THOC7: variants seen among roughly 807,000 people sequenced by gnomAD.
The protein encoded by THOC7 is THO complex subunit 7, also known as NIF3L1-binding protein 1.
A neutral mutation model predicts 33.1 loss-of-function variants in THOC7; 22 were observed. The ratio of observed to expected loss-of-function variants is 0.66; its 90% confidence interval spans 0.47 to 0.95. The LOEUF is 0.95. Ranked by LOEUF, THOC7 falls within the 40% of genes least tolerant of loss-of-function variation. The pLI, the probability that THOC7 is intolerant of heterozygous loss-of-function variation, is 0.00. For synonymous variants in THOC7, 77 were observed against 76.8 expected (o/e 1.00, Z -0.01); for missense variants, 184 against 245.3 (o/e 0.75, Z 1.67).
intron 1 of THOC7, among the ~76,000 whole-genome samples, chr3:63,854,007 T>G (rs2107157800): frequency 6.6e-6 from 1 of 152,312 alleles, no homozygotes; most frequent in East Asian, 1.9e-4. Context: ...TGTAGATACA[T>G]ATTAGGCATT....
chr3:63,845,988 A>C (rs1701885683), intron 1 of THOC7: 1 of 177,790 alleles, frequency 5.6e-6, no homozygotes, highest in African/African-American at 2.4e-5. Context: ...TGCAGAGAGA[A>C]CAAAATTCTT....
intron 1 of THOC7, among the ~76,000 whole-genome samples, chr3:63,842,338 A>T: frequency 6.6e-6 from 1 of 152,212 alleles, no homozygotes. Context: ...ATGTGGAGAA[A>T]GCAGAACCCT....
At chr3:63,857,932 T>G (rs1702143193) in intron 1 of THOC7, among the ~76,000 whole-genome samples, 1 of 152,136 alleles carries the variant, frequency 6.6e-6, no homozygotes, top group Admixed American at 6.5e-5. Context: ...GAAACATCAT[T>G]TCATAGTTGA....
intron 1 of THOC7, among the ~76,000 whole-genome samples, chr3:63,857,780 T>A (rs1426528611): frequency 2.0e-5 from 3 of 152,184 alleles, no homozygotes; most frequent in Admixed American, 6.5e-5. Context: ...AAATTTAAAA[T>A]TTTAAAAGGA....
At chr3:63,838,653 TTC>T (rs1304922695) in intron 2 of THOC7, among the ~76,000 whole-genome samples, 154 bp from the exon 3 acceptor site, 1 of 152,254 alleles carries the variant, frequency 6.6e-6, no homozygotes, top group Non-Finnish European at 1.5e-5. Flanking sequence ...CCCTTAAGTT[TTC>T]TTTTTATCAA....
At chr3:63,844,365 C>T (rs1343560471) in intron 1 of THOC7, among the ~76,000 whole-genome samples, 3 of 152,194 alleles carry the variant, frequency 2.0e-5, no homozygotes, top group Non-Finnish European at 4.4e-5. Flanking sequence ...GATATGCTCT[C>T]ACCACAAAAA....
At chr3:63,847,432 G>A (rs1330804118) in intron 1 of THOC7, among the ~76,000 whole-genome samples, 1 of 152,094 alleles carries the variant, frequency 6.6e-6, no homozygotes, top group Non-Finnish European at 1.5e-5. Context: ...TCTCCAAAAA[G>A]CTATATCAGA....
intron 1 of THOC7, among the ~76,000 whole-genome samples, chr3:63,846,810 ATAGTCTCCTGAGAATTC>A (rs1262701524): frequency 6.6e-6 from 1 of 152,154 alleles, no homozygotes; most frequent in Non-Finnish European, 1.5e-5. Context: ...AGGCAGAATG[ATAGTCTCCTGAGAATTC>A]TATCAAGTAC....
At chr3:63,851,984 C>T (rs929028299) in intron 1 of THOC7, among the ~76,000 whole-genome samples, 6 of 152,166 alleles carry the variant, frequency 3.9e-5, no homozygotes, top group Non-Finnish European at 7.3e-5. Flanking sequence ...CTAGGGTGCC[C>T]TCCATAGGTT....
upstream of THOC7, among the ~76,000 whole-genome samples, chr3:63,864,056 C>A (rs1211747395): frequency 1.4e-5 from 2 of 143,904 alleles, no homozygotes; most frequent in Admixed American, 6.8e-5. Context: ...GGCTTGGCGG[C>A]CGGCGGCGGC....
chr3:63,834,202 G>C lies in THOC7; in HGVS notation c.548-3C>G. On this transcript the variant is annotated splice_polypyrimidine_tract_variant and splice_region_variant and intron_variant, in intron 7 of 7. Coordinates refer to ENST00000295899, the MANE Select transcript of THOC7 (RefSeq NM_025075.4). Reference sequence around the variant, plus strand: ...TACCTCTGAGAGTTTTTCATCATCTGTAATTGAGAAGGAAACATAAAACCT... The same window carrying C: ...TACCTCTGAGAGTTTTTCATCATCTCTAATTGAGAAGGAAACATAAAACCT... 1 of 1,613,782 alleles carries C rather than the reference G, an allele frequency of 6.2e-7. No individual in the cohort carries two copies.
intron 2 of THOC7, among the ~76,000 whole-genome samples, chr3:63,838,794 TG>T (rs1184059153): frequency 1.6e-4 from 25 of 152,374 alleles, no homozygotes; most frequent in African/African-American, 5.0e-4. Flanking sequence ...TACTTTAAGA[TG>T]TTTTTTTAAC....
At chr3:63,857,024 T>C (rs1702128557) in intron 1 of THOC7, among the ~76,000 whole-genome samples, 2 of 152,232 alleles carry the variant, frequency 1.3e-5, no homozygotes, top group African/African-American at 4.8e-5. Context: ...GGCCTCATTA[T>C]AGATATTCTT....
At chr3:63,863,745 C>A (rs1394818304) in intron 1 of THOC7, 27 bp downstream of exon 1, 2 of 1,249,248 alleles carry the variant, frequency 1.6e-6, no homozygotes, top group East Asian at 3.1e-5. Flanking sequence ...GTGCAGCGGG[C>A]GCGTGTGGCG....
At chr3:63,837,499 T>C (rs1488226421) in intron 4 of THOC7, among the ~76,000 whole-genome samples, 1 of 152,088 alleles carries the variant, frequency 6.6e-6, no homozygotes, top group Non-Finnish European at 1.5e-5. Flanking sequence ...TTATTAGATA[T>C]TCTAGGCAGT....
intron 1 of THOC7, among the ~76,000 whole-genome samples, chr3:63,843,910 AAAAC>A (rs1457301419): frequency 6.6e-6 from 1 of 152,140 alleles, no homozygotes; most frequent in East Asian, 1.9e-4. Context: ...CAGAAAAAAA[AAAAC>A]AAAACTGTGG....
chr3:63,841,768 G>A (rs1026667879), intron 1 of THOC7, among the ~76,000 whole-genome samples: 13 of 152,266 alleles, frequency 8.5e-5, no homozygotes, highest in Non-Finnish European at 1.6e-4. Context: ...AGTCCTTGAA[G>A]AGATTAAAAT....
chr3:63,857,325 C>T (rs1702134520), intron 1 of THOC7, among the ~76,000 whole-genome samples: 1 of 152,102 alleles, frequency 6.6e-6, no homozygotes, highest in South Asian at 2.1e-4. Flanking sequence ...TTCTCAGGTA[C>T]TTCATTTTCT....
chr3:63,855,855 A>T (rs190167739), intron 1 of THOC7, among the ~76,000 whole-genome samples: 25 of 152,350 alleles, frequency 1.6e-4, no homozygotes, highest in African/African-American at 6.0e-4. Flanking sequence ...TTTGGCAAAA[A>T]ATTTGGTAGG....
Sources: gnomAD v4.1 joint callset for allele counts (sites outside exome capture counted in the v4.1 genomes callset) on GRCh38, gnomAD v4.1.1 for gene constraint, MANE v1.5 for transcripts, NCBI Gene and HGNC (gene_info 2026-07-23, HGNC 2026-07-21) for gene names.